NRXN3: variants seen among roughly 807,000 people sequenced by gnomAD.
NRXN3 encodes the protein neurexin III.
NRXN3 carries 32 observed loss-of-function variants against 137.6 expected under a neutral mutation model. The observed-to-expected ratio is 0.23, with a 90% confidence interval of 0.18 to 0.31. The LOEUF is 0.31. NRXN3 is among the 10% of genes least tolerant of loss of function. NRXN3 has a pLI of 1.00. For missense variants in NRXN3, 1,574 were observed against 2,062.5 expected, an observed-to-expected ratio of 0.76 and a Z score of 4.59; for synonymous variants, 798 against 784.5, an observed-to-expected ratio of 1.02 and a Z score of -0.29.
At chr14:78,437,721 T>C (rs2094119880) in intron 4 of NRXN3, among the ~76,000 whole-genome samples, 3 of 152,206 alleles carry the variant, frequency 2.0e-5, no homozygotes, top group Admixed American at 1.3e-4. Context: ...AGAGTGCTTG[T>C]TGAAAATATG....
chr14:78,695,433 A>T (rs576266455), intron 6 of NRXN3: 1 of 152,038 alleles, frequency 6.6e-6, no homozygotes, highest in African/African-American at 2.4e-5. Flanking sequence ...TTACAGACAT[A>T]TTTCAGGAGT....
At chr14:79,825,206 C>CTT (rs11449914) in intron 20 of NRXN3, among the ~76,000 whole-genome samples, 33,456 of 117,602 alleles carry the variant, frequency 0.28, 5,379 homozygotes, top group East Asian at 0.46. Flanking sequence ...TCTTTGTGTG[C>CTT]TTTTTTTTTT....
At chr14:78,325,099 C>T (rs1355518217) in intron 4 of NRXN3, among the ~76,000 whole-genome samples, 6 of 151,906 alleles carry the variant, frequency 3.9e-5, no homozygotes, top group Admixed American at 3.9e-4. Flanking sequence ...AGGGAATTTC[C>T]TTGAGGACAA....
At chr14:78,691,378 CT>C (rs1220985883) in intron 6 of NRXN3, among the ~76,000 whole-genome samples, 4 of 152,070 alleles carry the variant, frequency 2.6e-5, no homozygotes, top group African/African-American at 9.7e-5. Flanking sequence ...GAACTGTACC[CT>C]CTAGCCAAAC....
intron 10 of NRXN3, among the ~76,000 whole-genome samples, chr14:78,901,459 T>C (rs1014244424): frequency 6.6e-6 from 1 of 152,048 alleles, no homozygotes; most frequent in Non-Finnish European, 1.5e-5. Context: ...TCAGACATCT[T>C]TCTGATGTCA....
chr14:78,925,229 T>C (rs2152836548), intron 10 of NRXN3, among the ~76,000 whole-genome samples: 1 of 152,330 alleles, frequency 6.6e-6, no homozygotes, highest in African/African-American at 2.4e-5. Context: ...AAGCAACCTA[T>C]AGAGTTTAGA....
intron 10 of NRXN3, among the ~76,000 whole-genome samples, chr14:78,906,372 A>G (rs1377986739): frequency 1.3e-5 from 2 of 151,940 alleles, no homozygotes; most frequent in African/African-American, 4.8e-5. Flanking sequence ...TTCCTCTGTT[A>G]TTTCTTCTAC....
intron 4 of NRXN3, among the ~76,000 whole-genome samples, chr14:78,602,267 CTTTTT>C (rs370669288): frequency 8.7e-6 from 1 of 115,282 alleles, no homozygotes; most frequent in East Asian, 2.9e-4. Context: ...TCACATTAGC[CTTTTT>C]TTTTTTTTTT....
intron 20 of NRXN3, among the ~76,000 whole-genome samples, chr14:79,812,650 A>G (rs2140879955): frequency 6.6e-6 from 1 of 152,332 alleles, no homozygotes; most frequent in East Asian, 1.9e-4. Flanking sequence ...TCAGTAAAGT[A>G]AAAAAGCAAC....
chr14:78,266,625 G>A (rs1471344042), intron 2 of NRXN3, among the ~76,000 whole-genome samples: 4 of 152,036 alleles, frequency 2.6e-5, no homozygotes, highest in Admixed American at 1.3e-4. Context: ...GAAGCAGAAC[G>A]TCTCCTTATC....
chr14:79,257,532 G>A (rs1455140044), intron 15 of NRXN3, among the ~76,000 whole-genome samples: 2 of 95,644 alleles, frequency 2.1e-5, no homozygotes, highest in African/African-American at 3.9e-5. Flanking sequence ...GGTGGTGGTG[G>A]TGATGGTGGT....
intron 4 of NRXN3, among the ~76,000 whole-genome samples, chr14:78,444,924 A>C (rs1475889545): frequency 5.4e-5 from 2 of 37,178 alleles, no homozygotes; most frequent in African/African-American, 4.3e-4. Flanking sequence ...TGTCTCAAAA[A>C]AAAAAAAAAA....
At position 79,836,521 on chromosome 14, in the gene NRXN3, A is replaced by G. The variant is rs143482856; in HGVS notation, c.4094-24821A>G. On this transcript the variant is annotated intron_variant, in intron 20 of 20. Coordinates refer to ENST00000335750, the MANE Select transcript of NRXN3 (RefSeq NM_001330195.2). ...AAAGCTACCTGTGGTGATCCGAACT[A>G]TGCTTCTCAAAAATCTTTCTTTTGT... Among the ~76,000 whole-genome samples, 1,380 of 152,122 alleles carry G rather than the reference A, an allele frequency of 9.1e-3. 19 individuals are homozygous for G. Among genetic ancestry groups the G allele is most frequent in the African/African-American group, 0.032 (1,311 of 41,538 alleles).
At chr14:79,103,740 G>A (rs1053148037) in intron 15 of NRXN3, among the ~76,000 whole-genome samples, 6 of 152,160 alleles carry the variant, frequency 3.9e-5, no homozygotes. Flanking sequence ...ATCTGGGCCT[G>A]CCTGTGTCTC....
chr14:78,194,547 GC>G (rs1297111544), intron 1 of NRXN3, among the ~76,000 whole-genome samples: 1 of 152,142 alleles, frequency 6.6e-6, no homozygotes, highest in Non-Finnish European at 1.5e-5. Flanking sequence ...TCAGGGCCTG[GC>G]CTGCCGGGCC....
intron 10 of NRXN3, among the ~76,000 whole-genome samples, chr14:78,917,987 T>TAA (rs1567699023): frequency 1.3e-5 from 1 of 76,482 alleles, no homozygotes; most frequent in African/African-American, 5.7e-5. Flanking sequence ...AATAAAAAAA[T>TAA]GAAAAAAAAA....
chr14:79,622,342 G>A (rs2098233290), intron 16 of NRXN3, among the ~76,000 whole-genome samples: 1 of 152,156 alleles, frequency 6.6e-6, no homozygotes, highest in African/African-American at 2.4e-5. Context: ...TTTTAGAACT[G>A]TTAGTCAAGA....
intron 10 of NRXN3, among the ~76,000 whole-genome samples, chr14:78,953,881 T>G (rs1032856993): frequency 1.3e-5 from 2 of 152,224 alleles, no homozygotes; most frequent in Non-Finnish European, 2.9e-5. Context: ...GCAGGAAAGT[T>G]AATGGTTTTG....
At chr14:79,477,265 G>A (rs8003893) in intron 16 of NRXN3, among the ~76,000 whole-genome samples, 106,614 of 151,762 alleles carry the variant, frequency 0.7, 38,327 homozygotes, top group African/African-American at 0.86. Context: ...CAATTGGACC[G>A]TAATGAATGG....
Sources: allele counts gnomAD v4.1 joint callset (sites outside exome capture counted in the v4.1 genomes callset), GRCh38; gene constraint gnomAD v4.1.1; transcripts MANE v1.5; gene names NCBI Gene and HGNC (gene_info 2026-07-23, HGNC 2026-07-21).